LCOR: variants seen among roughly 807,000 people sequenced by gnomAD.
LCOR encodes the protein ligand-dependent corepressor.
LCOR carries 14 observed loss-of-function variants against 64.4 expected under a neutral mutation model. The ratio of observed to expected loss-of-function variants is 0.22; its 90% CI spans 0.14 to 0.34. LCOR has a LOEUF of 0.34. Ranked by LOEUF, LCOR falls within the 10% of genes least tolerant of loss-of-function variation. LCOR has a pLI of 1.00. For missense variants in LCOR, 1,686 were observed against 1,765.3 expected (o/e 0.96, Z 0.80); for synonymous variants, 643 against 642.5 (o/e 1.00, Z -0.01).
At chr10:96,883,665 C>T (rs1846298717) in intron 2 of LCOR, among the ~76,000 whole-genome samples, 1 of 152,116 alleles carries the variant, frequency 6.6e-6, no homozygotes, top group Non-Finnish European at 1.5e-5. Context: ...TTGTAGAGGT[C>T]TTTTGCCCAT....
chr10:96,947,366 C>CG (rs1847606350), intron 5 of LCOR, among the ~76,000 whole-genome samples: 1 of 151,914 alleles, frequency 6.6e-6, no homozygotes, highest in Non-Finnish European at 1.5e-5. Context: ...ATCGTCCTTT[C>CG]GGGGGAAAAA....
intron 4 of LCOR, among the ~76,000 whole-genome samples, chr10:96,933,161 C>G (rs1847292256): frequency 6.6e-6 from 1 of 152,040 alleles, no homozygotes. Context: ...GTTAATATGT[C>G]TGCGTATGTG....
At chr10:96,918,849 G>A (rs1199448776) in intron 4 of LCOR, among the ~76,000 whole-genome samples, 1 of 152,188 alleles carries the variant, frequency 6.6e-6, no homozygotes, top group African/African-American at 2.4e-5. Flanking sequence ...TGAAAGCATT[G>A]TTTAACACAA....
In LCOR at chr10:96,981,916, A is replaced by G; in HGVS notation, c.1456A>G (p.Asn486Asp). 6.2e-7 allele frequency: 1 copy of G among 1,614,188 alleles called. No homozygotes were observed. Among genetic ancestry groups the G allele is most frequent in the South Asian group, 1.1e-5 (1 of 91,082 alleles). The change falls in exon 8 of 8, where the codon AAT (asparagine) becomes GAT (aspartate). Residue 486 changes from asparagine to aspartate, a missense_variant. By Grantham distance (23) the Asn-to-Asp change is conservative. Transcript: ENST00000421806. ...ACCAATAACAGAATGCCACTTTGAGAATCAAAAATCAATATTATCTTCTCG... is the reference window on the plus strand; with the variant it reads ...ACCAATAACAGAATGCCACTTTGAGGATCAAAAATCAATATTATCTTCTCG... The part of the protein sequence containing the change: ...SQPITECHFE[N>D]QKSILSSRKT...
chr10:96,841,815 G>A (rs1845546668), intron 2 of LCOR, among the ~76,000 whole-genome samples: 1 of 151,490 alleles, frequency 6.6e-6, no homozygotes, highest in African/African-American at 2.4e-5. Context: ...GCCCAGGCTG[G>A]TCTCGAGCTC....
At chr10:96,911,209 T>G (rs1846828432) in intron 4 of LCOR, among the ~76,000 whole-genome samples, 1 of 150,880 alleles carries the variant, frequency 6.6e-6, no homozygotes, top group Admixed American at 6.6e-5. Context: ...GCGATTCTCA[T>G]GCCTTAGCCT....
intron 4 of LCOR, among the ~76,000 whole-genome samples, chr10:96,930,523 T>C (rs1847239513): frequency 6.6e-6 from 1 of 152,228 alleles, no homozygotes; most frequent in South Asian, 2.1e-4. Flanking sequence ...CTCACCTGTA[T>C]TAGTTTTTAC....
intron 4 of LCOR, among the ~76,000 whole-genome samples, chr10:96,922,164 A>G (rs1169285142): frequency 6.6e-6 from 1 of 152,104 alleles, no homozygotes; most frequent in Non-Finnish European, 1.5e-5. Flanking sequence ...TGGCAATATT[A>G]AGTCTTTGCC....
intron 4 of LCOR, among the ~76,000 whole-genome samples, chr10:96,935,845 A>G (rs1169592876): frequency 6.6e-6 from 1 of 152,146 alleles, no homozygotes; most frequent in Non-Finnish European, 1.5e-5. Flanking sequence ...TAAACAAACA[A>G]ACAACAACGA....
chr10:96,910,988 A>G (rs746614129), intron 4 of LCOR, among the ~76,000 whole-genome samples: 2 of 152,180 alleles, frequency 1.3e-5, no homozygotes, highest in Non-Finnish European at 2.9e-5. Flanking sequence ...AAAATTTTTG[A>G]ACTGCACTTC....
intron 2 of LCOR, among the ~76,000 whole-genome samples, chr10:96,901,440 A>G (rs1846635774): frequency 6.6e-6 from 1 of 152,044 alleles, no homozygotes; most frequent in Non-Finnish European, 1.5e-5. Flanking sequence ...GAGCTTGTAA[A>G]TTTTTATTGT....
chr10:96,960,606 T>C (rs1277300815), intron 7 of LCOR: 2 of 152,200 alleles, frequency 1.3e-5, no homozygotes, highest in African/African-American at 4.8e-5. Context: ...GGTTAAATTT[T>C]GGCCTTCTTG....
At chr10:96,939,976 C>G (rs1036312494) in intron 4 of LCOR, among the ~76,000 whole-genome samples, 1 of 152,132 alleles carries the variant, frequency 6.6e-6, no homozygotes. Context: ...AATAAAAGAT[C>G]AAGGATCTGA....
At chr10:96,834,311 T>C (rs1256722269) in intron 2 of LCOR, among the ~76,000 whole-genome samples, 1 of 152,224 alleles carries the variant, frequency 6.6e-6, no homozygotes, top group Non-Finnish European at 1.5e-5. Context: ...GTCAGTTTTT[T>C]GGTATAATTC....
intron 4 of LCOR, among the ~76,000 whole-genome samples, chr10:96,912,607 T>TCTTCCTTCCTTCCCTCCTTCCTTCCTTC (rs1846860457): frequency 7.1e-6 from 1 of 140,294 alleles, no homozygotes; most frequent in South Asian, 2.3e-4. Flanking sequence ...TTTCTTCCTT[T>TCTTCCTTCCTTCCCTCCTTCCTTCCTTC]CTTCCTTCCT....
intron 2 of LCOR, among the ~76,000 whole-genome samples, chr10:96,862,124 A>G (rs996957667): frequency 6.6e-6 from 1 of 152,222 alleles, no homozygotes; most frequent in African/African-American, 2.4e-5. Context: ...TGCATAGGGC[A>G]AGGCATGGAG....
At chr10:96,928,522 T>C (rs985442840) in intron 4 of LCOR, among the ~76,000 whole-genome samples, 7 of 152,240 alleles carry the variant, frequency 4.6e-5, no homozygotes, top group Non-Finnish European at 1.0e-4. Context: ...TCAAGTTCTC[T>C]TACCATTTCC....
At chr10:96,850,716 G>A (rs1845709483) in intron 2 of LCOR, among the ~76,000 whole-genome samples, 1 of 152,090 alleles carries the variant, frequency 6.6e-6, no homozygotes, top group Non-Finnish European at 1.5e-5. Context: ...CCAAAGTGCT[G>A]GGATTACAGG....
In LCOR at chr10:96,987,605, T is replaced by C. The variant is rs1329217976; in HGVS notation, c.*2471T>C. On this transcript the variant is annotated 3_prime_UTR_variant, in exon 8 of 8. Coordinates refer to ENST00000421806, the MANE Select transcript of LCOR (RefSeq NM_001346516.2). Reference sequence around the variant, plus strand: ...ATGGATCATCTTTAAAATCAACTTATACTTTATAATAAGGACATTTAAATA... The same window carrying C: ...ATGGATCATCTTTAAAATCAACTTACACTTTATAATAAGGACATTTAAATA... 2 of 152,266 alleles carry C rather than the reference T, an allele frequency of 1.3e-5. No homozygotes were observed. The highest frequency in any genetic ancestry group is 2.4e-5 in the African/African-American group (1 of 41,466). 9.4% of individuals were successfully genotyped at this position (152,266 alleles called of 1,614,324 possible). A position where few individuals can be genotyped will look rare whatever the true frequency, so the allele number is the denominator to read the frequency against.
Sources: gnomAD v4.1 joint callset for allele counts (sites outside exome capture counted in the v4.1 genomes callset) on GRCh38, gnomAD v4.1.1 for gene constraint, MANE v1.5 for transcripts, NCBI Gene and HGNC (gene_info 2026-07-23, HGNC 2026-07-21) for gene names.